The following MCPH1 variants were observed in gnomAD, a reference collection of about 807,000 sequenced individuals.
MCPH1 encodes microcephalin.
A neutral mutation model predicts 84.5 loss-of-function variants in MCPH1; 104 were observed. The ratio of observed to expected loss-of-function variants is 1.23; its 90% CI spans 1.05 to 1.45. MCPH1 has a LOEUF of 1.45. Ranked by LOEUF, MCPH1 falls within the 40% of genes most tolerant of loss-of-function variation. The probability of loss-of-function intolerance (pLI) is 0.00; values close to 1 mark genes in which losing one functional copy is unlikely to be tolerated. For missense variants in MCPH1, 1,498 were observed against 1,005.7 expected (o/e 1.49, Z -6.62); for synonymous variants, 514 against 366.8 (o/e 1.40, Z -4.58).
intron 12 of MCPH1, among the ~76,000 whole-genome samples, chr8:6,592,400 G>T (rs1284443883): frequency 2.0e-5 from 3 of 151,520 alleles, no homozygotes; most frequent in African/African-American, 7.3e-5. Flanking sequence ...TCCCACCTTG[G>T]CCAATTTTAA....
Position 6,414,895 on chromosome 8 carries a change from C to T in MCPH1, c.233+12C>T. On this transcript the variant is annotated intron_variant, in intron 3 of 13. Coordinates refer to ENST00000344683, the MANE Select transcript of MCPH1 (RefSeq NM_024596.5). ...CTCTGGGTGGAAAAGTAAGCAGTTT[C>T]TCTCTTACTTTTTTTCCTTAAGTAT... 1 of 1,612,600 alleles carries T rather than the reference C, an allele frequency of 6.2e-7. No homozygotes were observed. Among genetic ancestry groups the T allele is most frequent in the Non-Finnish European group, 8.5e-7 (1 of 1,179,200 alleles).
chr8:6,498,298 GA>G (rs1157942972), intron 11 of MCPH1, among the ~76,000 whole-genome samples: 1 of 152,132 alleles, frequency 6.6e-6, no homozygotes, highest in African/African-American at 2.4e-5. Context: ...TTTCAAAGTA[GA>G]TTTTCACTAT....
intron 12 of MCPH1, chr8:6,532,552 T>C (rs1819717621): frequency 8.4e-7 from 1 of 1,189,190 alleles, no homozygotes; most frequent in African/African-American, 1.6e-5. Context: ...TTCCTAAATG[T>C]TTGTCGTCTC....
At chr8:6,526,493 G>C (rs561501130) in intron 12 of MCPH1, among the ~76,000 whole-genome samples, 1 of 151,936 alleles carries the variant, frequency 6.6e-6, no homozygotes, top group Non-Finnish European at 1.5e-5. Context: ...TCAATGATTG[G>C]TCTCAAATGT....
rs757646355 is a variant in MCPH1, at chr8:6,445,199, C to T, written c.1477C>T (p.Arg493Cys). The T allele has an allele frequency of 1.7e-5, 27 of 1,614,094 alleles. No homozygotes were observed. The African/African-American group carries it at 1.9e-4, about 11-fold the overall frequency. Reference protein sequence around the residue: ...SPRKTGNGEGRATSSCVTSAP... With the variant: ...SPRKTGNGEGCATSSCVTSAP... ...TCGGAAAACTGGAAATGGTGAAGGC[C>T]GTGCAACTTCGAGTTGCGTGACTTC... Residue 493 changes from arginine to cysteine, a missense_variant, in exon 8 of 14, where the codon CGT becomes TGT. Coordinates refer to ENST00000344683, the MANE Select transcript of MCPH1 (RefSeq NM_024596.5).
chr8:6,628,269 G>C (rs6986579), intron 13 of MCPH1, among the ~76,000 whole-genome samples: 2,124 of 152,046 alleles, frequency 0.014, 64 homozygotes, highest in African/African-American at 0.049. Flanking sequence ...AGGAGATCGA[G>C]ACCATCCTGG....
chr8:6,449,639 G>GAA (rs112855191), intron 8 of MCPH1, among the ~76,000 whole-genome samples: 1 of 133,062 alleles, frequency 7.5e-6, no homozygotes, highest in African/African-American at 2.7e-5. Flanking sequence ...GTCTCAAAAA[G>GAA]AAAAAAAAAA....
At chr8:6,584,105 C>T (rs1827792686) in intron 12 of MCPH1, among the ~76,000 whole-genome samples, 1 of 152,104 alleles carries the variant, frequency 6.6e-6, no homozygotes, top group Non-Finnish European at 1.5e-5. Context: ...ACAGTCACTT[C>T]CCAGAAACTT....
chr8:6,591,324 G>T (rs1484332122), intron 12 of MCPH1, among the ~76,000 whole-genome samples: 1 of 152,208 alleles, frequency 6.6e-6, no homozygotes, highest in Non-Finnish European at 1.5e-5. Flanking sequence ...CTACATCCTA[G>T]TTGAACTCTA....
chr8:6,618,531 A>G (rs1178174757), intron 12 of MCPH1: 2 of 152,174 alleles, frequency 1.3e-5, no homozygotes, highest in Non-Finnish European at 2.9e-5. Flanking sequence ...AACAAGCATT[A>G]TCATAAATGT....
intron 6 of MCPH1, among the ~76,000 whole-genome samples, chr8:6,439,919 T>G (rs924987208): frequency 1.3e-5 from 2 of 152,204 alleles, no homozygotes; most frequent in Non-Finnish European, 2.9e-5. Context: ...TAAGTTTAAG[T>G]GTTTTTCCAG....
chr8:6,514,964 G>A (rs1815964804), intron 12 of MCPH1, among the ~76,000 whole-genome samples: 1 of 152,188 alleles, frequency 6.6e-6, no homozygotes, highest in African/African-American at 2.4e-5. Context: ...TGAAAGTGAT[G>A]GATTAAAATG....
chr8:6,480,547 G>C (rs958160415), intron 10 of MCPH1, among the ~76,000 whole-genome samples, 167 bp from the exon 11 acceptor site: 1 of 152,114 alleles, frequency 6.6e-6, no homozygotes, highest in East Asian at 1.9e-4. Flanking sequence ...ATTTCCCCAG[G>C]TTTCAAAGCA....
chr8:6,549,769 C>G (rs1490853236), intron 12 of MCPH1, among the ~76,000 whole-genome samples: 1 of 152,152 alleles, frequency 6.6e-6, no homozygotes. Flanking sequence ...GGCAGCAAGT[C>G]CTCTATATCT....
At chr8:6,540,828 G>T (rs541446096) in intron 12 of MCPH1, among the ~76,000 whole-genome samples, 4 of 152,248 alleles carry the variant, frequency 2.6e-5, no homozygotes, top group Non-Finnish European at 5.9e-5. Flanking sequence ...AGGCAGGGGC[G>T]CCGCAGGGTG....
At position 6,645,368 on chromosome 8, in the gene MCPH1, C is replaced by T. The variant is rs920621671; in HGVS notation, c.*2319C>T. Reference sequence around the variant, plus strand: ...TTTCAACAATCCTATTAGTAGCTTACTGTGGGTCTGCAAAGCCTTACTCAA... The same window carrying T: ...TTTCAACAATCCTATTAGTAGCTTATTGTGGGTCTGCAAAGCCTTACTCAA... On this transcript the variant is annotated 3_prime_UTR_variant, in exon 14 of 14. Coordinates refer to ENST00000344683, the MANE Select transcript of MCPH1 (RefSeq NM_024596.5). The T allele has an allele frequency of 1.3e-5, 2 of 152,100 alleles. No homozygotes were observed. Among genetic ancestry groups the T allele is most frequent in the Admixed American group, 6.6e-5 (1 of 15,260 alleles). 9.4% of individuals were successfully genotyped at this position (152,100 alleles called of 1,614,324 possible). A position where few individuals can be genotyped will look rare whatever the true frequency, so the allele number is the denominator to read the frequency against.
At chr8:6,632,685 T>G (rs1797254860) in intron 13 of MCPH1, among the ~76,000 whole-genome samples, 1 of 152,120 alleles carries the variant, frequency 6.6e-6, no homozygotes, top group South Asian at 2.1e-4. Context: ...GGCACGTGCC[T>G]GTAGTCCCAG....
intron 12 of MCPH1, chr8:6,617,260 G>C (rs1274812709): frequency 6.8e-6 from 1 of 146,116 alleles, no homozygotes; most frequent in Non-Finnish European, 1.5e-5. Context: ...TTTTGGTGGG[G>C]GGGGGGTGTT....
intron 12 of MCPH1, among the ~76,000 whole-genome samples, chr8:6,544,735 A>G (rs995931080): frequency 6.6e-6 from 1 of 152,214 alleles, no homozygotes; most frequent in Non-Finnish European, 1.5e-5. Flanking sequence ...TAAGATAAAG[A>G]CACAGATACA....
Sources: allele counts gnomAD v4.1 joint callset (sites outside exome capture counted in the v4.1 genomes callset), GRCh38; gene constraint gnomAD v4.1.1; transcripts MANE v1.5; gene names NCBI Gene and HGNC (gene_info 2026-07-23, HGNC 2026-07-21).